The following DPP10 variants were observed in gnomAD, a reference collection of about 807,000 sequenced individuals.
The protein encoded by DPP10 is dipeptidyl peptidase like 10.
In DPP10, 33 loss-of-function variants were observed where a neutral mutation model predicts 120.9. The observed-to-expected ratio is 0.27, with a 90% CI of 0.21 to 0.37. The LOEUF is 0.37. DPP10 is among the 10% of genes least tolerant of loss of function. DPP10 has a pLI of 1.00. For synonymous variants in DPP10, 337 were observed against 326.1 expected, an observed-to-expected ratio of 1.03 and a Z score of -0.36; for missense variants, 816 against 942.8, an observed-to-expected ratio of 0.87 and a Z score of 1.76.
chr2:114,869,352 GC>G (rs567984556), intron 1 of DPP10, among the ~76,000 whole-genome samples: 107 of 152,284 alleles, frequency 7.0e-4, no homozygotes, highest in African/African-American at 2.5e-3. Flanking sequence ...CTGGCTCCCA[GC>G]TTGTCTGAGT....
intron 1 of DPP10, among the ~76,000 whole-genome samples, chr2:115,003,642 T>C (rs943914322): frequency 2.2e-4 from 34 of 152,164 alleles, no homozygotes; most frequent in African/African-American, 8.0e-4. Context: ...TTGTCATTTA[T>C]ACAACATGAA....
intron 19 of DPP10, among the ~76,000 whole-genome samples, chr2:115,803,360 A>G (rs932231098): frequency 6.6e-6 from 1 of 152,106 alleles, no homozygotes; most frequent in Non-Finnish European, 1.5e-5. Flanking sequence ...AATACAGCAC[A>G]CTGATGGTTC....
chr2:114,533,733 A>G (rs777942228), intron 1 of DPP10, among the ~76,000 whole-genome samples: 6 of 152,224 alleles, frequency 3.9e-5, no homozygotes, highest in Non-Finnish European at 5.9e-5. Flanking sequence ...CCGGGTTTAG[A>G]CTTTTAGATC....
chr2:115,826,095 T>G lies in DPP10; in HGVS notation c.1951-10062T>G, dbSNP rs1575908939. On this transcript the variant is annotated intron_variant, in intron 21 of 25. Coordinates refer to ENST00000410059, the MANE Select transcript of DPP10 (RefSeq NM_020868.6). ...ACATCATTATCATGCTGATTGAAAC[T>G]GGCCTGTTTGGGAAATTAGGCTGTT... Among the ~76,000 whole-genome samples, 7 of 152,212 alleles carry G rather than the reference T, an allele frequency of 4.6e-5. 1 individual carries two copies. In the South Asian group the frequency reaches 1.4e-3, roughly 31 times the overall value.
chr2:115,635,791 C>T (rs1390886635), intron 5 of DPP10, among the ~76,000 whole-genome samples: 1 of 152,106 alleles, frequency 6.6e-6, no homozygotes, highest in Non-Finnish European at 1.5e-5. Context: ...GGCTTTATAT[C>T]ATATAATAAA....
chr2:115,839,237 A>G (rs1156590588), intron 24 of DPP10, among the ~76,000 whole-genome samples: 6 of 152,150 alleles, frequency 3.9e-5, no homozygotes, highest in Non-Finnish European at 4.4e-5. Context: ...GATCTTGACT[A>G]TCTAGTTTTT....
At chr2:115,592,242 CAG>C (rs2082705511) in intron 5 of DPP10, among the ~76,000 whole-genome samples, 1 of 152,096 alleles carries the variant, frequency 6.6e-6, no homozygotes, top group African/African-American at 2.4e-5. Context: ...AATGTGGACT[CAG>C]AGCATGCCCC....
intron 1 of DPP10, among the ~76,000 whole-genome samples, chr2:115,220,598 A>G (rs993284626): frequency 1.3e-5 from 2 of 152,162 alleles, no homozygotes; most frequent in Non-Finnish European, 1.5e-5. Flanking sequence ...AAATTGTACC[A>G]CAAAGTCATT....
intron 1 of DPP10, among the ~76,000 whole-genome samples, chr2:114,727,884 G>T (rs1034710962): frequency 4.6e-5 from 7 of 152,104 alleles, no homozygotes; most frequent in African/African-American, 1.4e-4. Flanking sequence ...GTCTATCACT[G>T]CGGTCAGCAC....
chr2:114,624,435 AATTATCATGTGAAT>A (rs1423712493), intron 1 of DPP10, among the ~76,000 whole-genome samples: 6 of 151,962 alleles, frequency 3.9e-5, no homozygotes, highest in Admixed American at 6.6e-5. Context: ...GTTGCCCCTA[AATTATCATGTGAAT>A]ATTATCATGT....
intron 16 of DPP10, 145 bp downstream of exon 16, chr2:115,781,140 C>T (rs1043868620): frequency 7.7e-6 from 4 of 517,320 alleles, no homozygotes; most frequent in Non-Finnish European, 6.2e-6. Flanking sequence ...TATATATAGA[C>T]TTACTGAGAT....
intron 1 of DPP10, among the ~76,000 whole-genome samples, chr2:114,888,156 A>AAAAAG (rs1412844569): frequency 1.3e-5 from 2 of 151,850 alleles, no homozygotes; most frequent in South Asian, 2.1e-4. Context: ...AAAAAAAAAA[A>AAAAAG]AAAAGAAAAG....
At chr2:114,636,649 A>G (rs1475027260) in intron 1 of DPP10, among the ~76,000 whole-genome samples, 1 of 151,988 alleles carries the variant, frequency 6.6e-6, no homozygotes, top group African/African-American at 2.4e-5. Context: ...TCCTTGAATC[A>G]GGACAGAGAA....
chr2:114,638,124 T>G (rs1043048221), intron 1 of DPP10, among the ~76,000 whole-genome samples: 1 of 151,904 alleles, frequency 6.6e-6, no homozygotes, highest in African/African-American at 2.4e-5. Flanking sequence ...ATGGAATGTT[T>G]TCCATTTATT....
chr2:115,410,417 G>C (rs2068857407), intron 3 of DPP10, among the ~76,000 whole-genome samples: 1 of 152,274 alleles, frequency 6.6e-6, no homozygotes, highest in Non-Finnish European at 1.5e-5. Context: ...TTATAAGTGG[G>C]AGCTGAACGA....
chr2:114,785,947 T>C (rs1180106574), intron 1 of DPP10, among the ~76,000 whole-genome samples: 1 of 152,124 alleles, frequency 6.6e-6, no homozygotes, highest in Non-Finnish European at 1.5e-5. Context: ...TTTCCTGACC[T>C]CCAGACCAAG....
chr2:115,499,596 A>T lies in DPP10; in HGVS notation c.358A>T (p.Thr120Ser). 1.9e-6 allele frequency: 3 copies of T among 1,609,518 alleles called. No homozygotes were observed. Among genetic ancestry groups the T allele is most frequent in the Non-Finnish European group, 2.5e-6 (3 of 1,176,794 alleles). Residue 120 changes from threonine (T) to serine (S), a missense_variant, in exon 4 of 26, where the codon ACA becomes TCA. Transcript: ENST00000410059. Reference sequence around the variant, plus strand: ...TGCTACCACATTATTATTGGAAAACACAACTTTTGTAAGTAATGAATAATT... The same window carrying T: ...TGCTACCACATTATTATTGGAAAACTCAACTTTTGTAAGTAATGAATAATT... Reference protein sequence around the residue: ...TNATTLLLENTTFVTFKASRH... With the variant: ...TNATTLLLENSTFVTFKASRH...
At chr2:114,498,320 C>T (rs1027950429) in intron 1 of DPP10, among the ~76,000 whole-genome samples, 1 of 152,088 alleles carries the variant, frequency 6.6e-6, no homozygotes, top group African/African-American at 2.4e-5. Flanking sequence ...CCTACTTCCT[C>T]CCTCCCCCTC....
intron 1 of DPP10, among the ~76,000 whole-genome samples, chr2:114,870,254 A>G (rs1318309423): frequency 6.6e-6 from 1 of 152,170 alleles, no homozygotes; most frequent in African/African-American, 2.4e-5. Context: ...TTTTCTTTTT[A>G]GTAAAATGGT....
Sources: gnomAD v4.1 joint callset for allele counts (sites outside exome capture counted in the v4.1 genomes callset) on GRCh38, gnomAD v4.1.1 for gene constraint, MANE v1.5 for transcripts, NCBI Gene and HGNC (gene_info 2026-07-23, HGNC 2026-07-21) for gene names.